Variants in GRM8 observed in about 807,000 individuals in gnomAD.
GRM8 encodes metabotropic glutamate receptor 8.
Under a neutral mutation model 87.2 loss-of-function variants are expected in GRM8, and 47 were observed. The ratio of observed to expected loss-of-function variants is 0.54; its 90% CI spans 0.43 to 0.69. The LOEUF (loss-of-function observed/expected upper bound fraction) is 0.69, where lower values mean the gene tolerates loss of function less well. Among genes scored for constraint, GRM8 ranks in the 30% least tolerant of loss-of-function variants. GRM8 has a pLI of 0.00. For synonymous variants in GRM8, 396 were observed against 404.5 expected (o/e 0.98, Z 0.25); for missense variants, 1,019 against 1,139.2 (o/e 0.89, Z 1.52).
chr7:126,589,155 C>T (rs1796438030), intron 8 of GRM8, among the ~76,000 whole-genome samples: 1 of 152,142 alleles, frequency 6.6e-6, no homozygotes, highest in Non-Finnish European at 1.5e-5. Flanking sequence ...AGAGTGCAGA[C>T]ACAGGCAGGC....
intron 2 of GRM8, among the ~76,000 whole-genome samples, chr7:127,199,290 A>G (rs1450884506): frequency 6.6e-6 from 1 of 152,236 alleles, no homozygotes; most frequent in African/African-American, 2.4e-5. Context: ...CTGTTTAAAG[A>G]CGATTGCTAA....
At chr7:126,866,026 G>A (rs1798562617) in intron 6 of GRM8, among the ~76,000 whole-genome samples, 1 of 152,162 alleles carries the variant, frequency 6.6e-6, no homozygotes, top group African/African-American at 2.4e-5. Flanking sequence ...AGTGGCTATA[G>A]CATCTTCCAT....
At chr7:126,826,029 G>T (rs970941185) in intron 6 of GRM8, among the ~76,000 whole-genome samples, 3 of 152,038 alleles carry the variant, frequency 2.0e-5, no homozygotes, top group African/African-American at 7.3e-5. Context: ...TTTCATCCAT[G>T]TCCCTACAAA....
chr7:126,991,553 C>CT (rs1311549279), intron 3 of GRM8, among the ~76,000 whole-genome samples: 1 of 151,774 alleles, frequency 6.6e-6, no homozygotes, highest in African/African-American at 2.4e-5. Context: ...TAATCTAAAC[C>CT]TTTTTAAAAA....
chr7:127,025,218 C>T (rs1816658433), intron 3 of GRM8, among the ~76,000 whole-genome samples: 1 of 152,040 alleles, frequency 6.6e-6, no homozygotes, highest in Non-Finnish European at 1.5e-5. Context: ...GTTCCCAGAA[C>T]AAGGTAGACT....
chr7:126,485,743 C>A (rs902963061), intron 9 of GRM8, among the ~76,000 whole-genome samples: 16 of 152,020 alleles, frequency 1.1e-4, no homozygotes, highest in African/African-American at 3.6e-4. Flanking sequence ...GTCCTAAGCT[C>A]CTGGACCCTC....
At chr7:127,045,038 G>A (rs945567537) in intron 3 of GRM8, among the ~76,000 whole-genome samples, 1 of 152,008 alleles carries the variant, frequency 6.6e-6, no homozygotes, top group Admixed American at 6.6e-5. Context: ...CATGAATGTG[G>A]TTCATATTCA....
intron 2 of GRM8, among the ~76,000 whole-genome samples, chr7:127,139,807 T>C (rs530189458): frequency 3.4e-4 from 52 of 152,256 alleles, no homozygotes; most frequent in Non-Finnish European, 6.3e-4. Context: ...TCGGAAGTTA[T>C]ACAGAGTGAA....
intron 3 of GRM8, among the ~76,000 whole-genome samples, chr7:126,972,320 T>C (rs1027000647): frequency 1.3e-5 from 2 of 152,190 alleles, no homozygotes; most frequent in South Asian, 4.1e-4. Flanking sequence ...AGCAAAAAAA[T>C]TACTATTTGA....
intron 7 of GRM8, among the ~76,000 whole-genome samples, chr7:126,689,357 G>A (rs963346502): frequency 6.6e-6 from 1 of 152,200 alleles, no homozygotes; most frequent in South Asian, 2.1e-4. Flanking sequence ...ATCTGTAAAA[G>A]AGGAATTATG....
intron 8 of GRM8, among the ~76,000 whole-genome samples, chr7:126,563,127 A>G (rs979222183): frequency 1.3e-5 from 2 of 152,122 alleles, no homozygotes; most frequent in Admixed American, 6.5e-5. Context: ...GTGCTTCCTC[A>G]TGTTACACTG....
At chr7:126,612,769 G>A (rs1299938194) in intron 7 of GRM8, among the ~76,000 whole-genome samples, 1 of 152,302 alleles carries the variant, frequency 6.6e-6, no homozygotes, top group South Asian at 2.1e-4. Context: ...ATAAATTATA[G>A]GAAAGCATGA....
At chr7:126,483,836 A>C (rs911868736) in intron 9 of GRM8, among the ~76,000 whole-genome samples, 1 of 136,980 alleles carries the variant, frequency 7.3e-6, no homozygotes, top group African/African-American at 2.7e-5. Flanking sequence ...TTTATGATCT[A>C]CTGAAGGGCT....
intron 8 of GRM8, among the ~76,000 whole-genome samples, chr7:126,547,459 AAT>A (rs1250201503): frequency 6.6e-6 from 1 of 151,880 alleles, no homozygotes; most frequent in Non-Finnish European, 1.5e-5. Context: ...TATGTTTAAT[AAT>A]ATATCTGATA....
chr7:127,132,478 A>G (rs1001734608), intron 2 of GRM8, among the ~76,000 whole-genome samples: 1 of 152,002 alleles, frequency 6.6e-6, no homozygotes, highest in African/African-American at 2.4e-5. Flanking sequence ...TCAGTGCTAG[A>G]GACACAATAA....
At chr7:126,920,179 C>A (rs1804367427) in intron 3 of GRM8, among the ~76,000 whole-genome samples, 2 of 152,106 alleles carry the variant, frequency 1.3e-5, no homozygotes, top group African/African-American at 4.8e-5. Flanking sequence ...AGTGAGAAGG[C>A]CATTGTCTGC....
chr7:126,801,441 T>C (rs1448954777), intron 6 of GRM8, among the ~76,000 whole-genome samples: 1 of 68,498 alleles, frequency 1.5e-5, no homozygotes, highest in African/African-American at 3.3e-5. Flanking sequence ...TATATTGCTA[T>C]ATCAGAAACA....
chr7:126,926,575 T>C (rs974523197), intron 3 of GRM8, among the ~76,000 whole-genome samples: 1 of 152,236 alleles, frequency 6.6e-6, no homozygotes, highest in Non-Finnish European at 1.5e-5. Flanking sequence ...AATCTGATGG[T>C]GAACGCTACT....
intron 7 of GRM8, among the ~76,000 whole-genome samples, chr7:126,683,897 T>C (rs1807885926): frequency 6.6e-6 from 1 of 152,136 alleles, no homozygotes; most frequent in African/African-American, 2.4e-5. Context: ...CTCCCTTTTG[T>C]GTGAGATAGC....
Sources: gnomAD v4.1 joint callset for allele counts (sites outside exome capture counted in the v4.1 genomes callset) on GRCh38, gnomAD v4.1.1 for gene constraint, MANE v1.5 for transcripts, NCBI Gene and HGNC (gene_info 2026-07-23, HGNC 2026-07-21) for gene names.